Variants in DCC observed in about 807,000 individuals in gnomAD.
DCC encodes DCC netrin 1 receptor, also known as netrin receptor DCC.
A neutral mutation model predicts 172.5 loss-of-function variants in DCC; 58 were observed. The ratio of observed to expected loss-of-function variants is 0.34; its 90% confidence interval spans 0.27 to 0.42. The LOEUF (loss-of-function observed/expected upper bound fraction) is 0.42, where lower values mean the gene tolerates loss of function less well. DCC is among the 10% of genes least tolerant of loss of function. The probability of loss-of-function intolerance (pLI) is 1.00; values close to 1 mark genes in which losing one functional copy is unlikely to be tolerated. For synonymous variants in DCC, 709 were observed against 644.5 expected, an observed-to-expected ratio of 1.10 and a Z score of -1.52; for missense variants, 1,740 against 1,791.0, an observed-to-expected ratio of 0.97 and a Z score of 0.51.
intron 2 of DCC, among the ~76,000 whole-genome samples, chr18:52,771,640 A>G (rs1002005761): frequency 5.9e-5 from 9 of 152,156 alleles, no homozygotes; most frequent in African/African-American, 2.2e-4. Flanking sequence ...GTGCTATTTT[A>G]TCTATGTGAG....
intron 18 of DCC, among the ~76,000 whole-genome samples, chr18:53,402,510 C>T (rs185803595): frequency 6.6e-6 from 1 of 152,126 alleles, no homozygotes; most frequent in Non-Finnish European, 1.5e-5. Context: ...TGTGAGCCCA[C>T]TTGAAATACC....
At chr18:52,841,920 A>G (rs908909754) in intron 2 of DCC, among the ~76,000 whole-genome samples, 5 of 152,140 alleles carry the variant, frequency 3.3e-5, no homozygotes, top group African/African-American at 1.2e-4. Context: ...ACTATAACTG[A>G]CAACCGGAAC....
chr18:53,442,531 T>A (rs1264391187), intron 22 of DCC, among the ~76,000 whole-genome samples: 1 of 152,114 alleles, frequency 6.6e-6, no homozygotes, highest in East Asian at 1.9e-4. Context: ...TTCTCTATTC[T>A]CTGAGCACAA....
chr18:53,311,918 C>T (rs1042910867), intron 13 of DCC, among the ~76,000 whole-genome samples: 13 of 151,966 alleles, frequency 8.6e-5, no homozygotes, highest in African/African-American at 1.2e-4. Flanking sequence ...TGTTTCTCAC[C>T]GTAGGCAATG....
intron 7 of DCC, among the ~76,000 whole-genome samples, chr18:53,074,695 C>T (rs2042702276): frequency 6.6e-6 from 1 of 152,070 alleles, no homozygotes; most frequent in Non-Finnish European, 1.5e-5. Flanking sequence ...CTGAGTGATT[C>T]ATTGATAATC....
At chr18:52,830,978 C>T (rs1180286601) in intron 2 of DCC, among the ~76,000 whole-genome samples, 1 of 151,866 alleles carries the variant, frequency 6.6e-6, no homozygotes, top group Admixed American at 6.6e-5. Context: ...AATGAAGAAA[C>T]TACAATATAG....
chr18:52,376,483 A>ATGTGTGTGTGTGTG (rs35302015), intron 1 of DCC, among the ~76,000 whole-genome samples: 1 of 149,972 alleles, frequency 6.7e-6, no homozygotes, highest in African/African-American at 2.4e-5. Flanking sequence ...GTATATTTCT[A>ATGTGTGTGTGTGTG]TGTGTGTGTG....
chr18:53,516,642 T>C (rs1054126418), intron 27 of DCC, among the ~76,000 whole-genome samples: 15 of 151,108 alleles, frequency 9.9e-5, no homozygotes, highest in African/African-American at 3.7e-4. Flanking sequence ...GCAAAGCACA[T>C]GAACAGACAC....
At chr18:52,459,205 CTTTTA>C (rs1293487216) in intron 1 of DCC, among the ~76,000 whole-genome samples, 1 of 151,728 alleles carries the variant, frequency 6.6e-6, no homozygotes, top group African/African-American at 2.4e-5. Flanking sequence ...TCTTTTTTAA[CTTTTA>C]TTTTAGATTC....
intron 2 of DCC, among the ~76,000 whole-genome samples, chr18:52,841,815 T>C (rs1026744338): frequency 6.6e-6 from 1 of 152,102 alleles, no homozygotes; most frequent in African/African-American, 2.4e-5. Flanking sequence ...CCTCCTCCCA[T>C]CCATCTTCTT....
At chr18:52,549,687 T>G (rs1323886802) in intron 1 of DCC, among the ~76,000 whole-genome samples, 1 of 152,130 alleles carries the variant, frequency 6.6e-6, no homozygotes, top group Non-Finnish European at 1.5e-5. Flanking sequence ...ATCTCCTATT[T>G]TATCAAGCAG....
At chr18:53,472,189 C>T (rs1019084278) in intron 25 of DCC, among the ~76,000 whole-genome samples, 1 of 152,114 alleles carries the variant, frequency 6.6e-6, no homozygotes, top group African/African-American at 2.4e-5. Context: ...GTAGTAAGCA[C>T]TATTGTTATG....
intron 1 of DCC, among the ~76,000 whole-genome samples, chr18:52,711,648 C>A (rs776630478): frequency 1.3e-5 from 2 of 152,106 alleles, no homozygotes; most frequent in Non-Finnish European, 2.9e-5. Flanking sequence ...AAAACCATAG[C>A]CCCTTTGATT....
chr18:53,313,452 A>G (rs1847563), intron 13 of DCC, among the ~76,000 whole-genome samples: 146,763 of 152,080 alleles, frequency 0.97, 71,041 homozygotes, highest in Middle Eastern at 1. Flanking sequence ...CACCATGTTG[A>G]CCAAGCTGGT....
chr18:52,824,813 T>C (rs1330342114), intron 2 of DCC, among the ~76,000 whole-genome samples: 1 of 151,928 alleles, frequency 6.6e-6, no homozygotes, highest in Non-Finnish European at 1.5e-5. Context: ...TCTACTAAAA[T>C]ACAAAAATTA....
intron 7 of DCC, among the ~76,000 whole-genome samples, chr18:53,087,222 TG>T (rs1156495126): frequency 1.3e-5 from 2 of 152,018 alleles, no homozygotes; most frequent in Non-Finnish European, 2.9e-5. Flanking sequence ...CCACCAACAG[TG>T]TAAAAGTGTT....
intron 5 of DCC, among the ~76,000 whole-genome samples, chr18:53,006,826 C>A (rs112567248): frequency 6.6e-6 from 1 of 152,146 alleles, no homozygotes; most frequent in African/African-American, 2.4e-5. Context: ...TGAGACCTGT[C>A]AATAAATATG....
chr18:52,545,087 A>G (rs1257078234), intron 1 of DCC, among the ~76,000 whole-genome samples: 1 of 152,226 alleles, frequency 6.6e-6, no homozygotes, highest in African/African-American at 2.4e-5. Flanking sequence ...TCCAACCTGC[A>G]GGGAAGATAA....
chr18:52,955,402 A>C (rs1203480633), intron 5 of DCC, among the ~76,000 whole-genome samples: 1 of 152,000 alleles, frequency 6.6e-6, no homozygotes, highest in Non-Finnish European at 1.5e-5. Flanking sequence ...TTGGCACCAA[A>C]TAATATTCCA....
Sources: allele counts gnomAD v4.1 joint callset (sites outside exome capture counted in the v4.1 genomes callset), GRCh38; gene constraint gnomAD v4.1.1; transcripts MANE v1.5; gene names NCBI Gene and HGNC (gene_info 2026-07-23, HGNC 2026-07-21).